Variants in CACNA2D3 observed in about 807,000 individuals in gnomAD.
The protein encoded by CACNA2D3 is voltage-dependent calcium channel subunit alpha-2/delta-3.
In CACNA2D3, 60 loss-of-function variants were observed where a neutral mutation model predicts 160.6. The ratio of observed to expected loss-of-function variants is 0.37; its 90% confidence interval spans 0.30 to 0.46. The LOEUF (loss-of-function observed/expected upper bound fraction) is 0.46, where lower values mean the gene tolerates loss of function less well. CACNA2D3 is among the 20% of genes least tolerant of loss of function. The pLI is 1.00. For synonymous variants in CACNA2D3, 558 were observed against 492.9 expected, an observed-to-expected ratio of 1.13 and a Z score of -1.75; for missense variants, 1,205 against 1,365.0, an observed-to-expected ratio of 0.88 and a Z score of 1.85.
At chr3:54,443,537 G>C (rs970368736) in intron 4 of CACNA2D3, among the ~76,000 whole-genome samples, 1 of 152,166 alleles carries the variant, frequency 6.6e-6, no homozygotes, top group African/African-American at 2.4e-5. Context: ...TTGGCAGGGG[G>C]ACAGGGCCTC....
At chr3:54,188,467 G>A (rs930388415) in intron 2 of CACNA2D3, among the ~76,000 whole-genome samples, 2 of 152,202 alleles carry the variant, frequency 1.3e-5, no homozygotes, top group African/African-American at 4.8e-5. Flanking sequence ...TGTTCATGAT[G>A]TCCTCAGGAC....
intron 13 of CACNA2D3, chr3:54,789,749 T>C (rs1702710835): frequency 6.5e-6 from 3 of 459,972 alleles, no homozygotes; most frequent in Non-Finnish European, 1.3e-5. Flanking sequence ...CTAAAGCTCC[T>C]CTAAACCAAA....
At chr3:54,786,011 C>T (rs749290923) in intron 13 of CACNA2D3, among the ~76,000 whole-genome samples, 3 of 152,160 alleles carry the variant, frequency 2.0e-5, no homozygotes, top group Non-Finnish European at 4.4e-5. Context: ...CCCAGCCACC[C>T]TCTGCCATCA....
intron 14 of CACNA2D3, among the ~76,000 whole-genome samples, chr3:54,821,641 GTTCTTTCTTTCTTTCTTTCTTTCTTTCT>G (rs1181056443): frequency 1.4e-4 from 15 of 107,920 alleles, no homozygotes; most frequent in East Asian, 8.0e-4. Context: ...AGAGTCTTTC[GTTCTTTCTTTCTTTCTTTCTTTCTTTCT>G]TTCTTTCTTT....
chr3:54,289,188 T>C (rs570729210), intron 2 of CACNA2D3, among the ~76,000 whole-genome samples: 1 of 152,350 alleles, frequency 6.6e-6, no homozygotes, highest in African/African-American at 2.4e-5. Flanking sequence ...CTCCTTCAGC[T>C]GATAAGCAAC....
intron 4 of CACNA2D3, among the ~76,000 whole-genome samples, chr3:54,483,983 A>G (rs943430793): frequency 6.6e-6 from 1 of 152,218 alleles, no homozygotes; most frequent in Non-Finnish European, 1.5e-5. Context: ...AATTGTTCAC[A>G]TCAGGTTTCA....
chr3:54,588,836 G>T (rs1324256626), intron 9 of CACNA2D3, among the ~76,000 whole-genome samples: 1 of 151,858 alleles, frequency 6.6e-6, no homozygotes, highest in Non-Finnish European at 1.5e-5. Flanking sequence ...TCATGGATGA[G>T]AAGTCTCCAC....
intron 2 of CACNA2D3, among the ~76,000 whole-genome samples, chr3:54,292,925 C>G (rs6792594): frequency 6.6e-6 from 1 of 151,896 alleles, no homozygotes; most frequent in African/African-American, 2.4e-5. Flanking sequence ...GGAAACAGCC[C>G]GAATGTGCAT....
At chr3:54,624,244 G>A (rs1006855025) in intron 9 of CACNA2D3, among the ~76,000 whole-genome samples, 3 of 152,190 alleles carry the variant, frequency 2.0e-5, no homozygotes, top group African/African-American at 4.8e-5. Context: ...ATGTCCAACT[G>A]TAAAAAAGCA....
At chr3:54,795,619 A>G (rs540051485) in intron 13 of CACNA2D3, among the ~76,000 whole-genome samples, 2 of 152,162 alleles carry the variant, frequency 1.3e-5, no homozygotes, top group Non-Finnish European at 2.9e-5. Context: ...GGTATGGCAT[A>G]TCTTTCACTC....
intron 12 of CACNA2D3, among the ~76,000 whole-genome samples, chr3:54,758,767 C>G (rs935669575): frequency 2.0e-5 from 3 of 152,084 alleles, no homozygotes; most frequent in African/African-American, 7.2e-5. Context: ...GGTGCTGGCT[C>G]TCAGGTTTTC....
At chr3:54,572,420 C>G (rs1702515088) in intron 8 of CACNA2D3, among the ~76,000 whole-genome samples, 1 of 152,176 alleles carries the variant, frequency 6.6e-6, no homozygotes, top group African/African-American at 2.4e-5. Flanking sequence ...GCTAAGTGTC[C>G]TGTGTGGATT....
rs556872699 is a variant in CACNA2D3 at position 54,468,224 on chromosome 3, T to C, written c.382-35268T>C. On this transcript the variant is annotated intron_variant, in intron 4 of 37. Coordinates refer to ENST00000474759, the MANE Select transcript of CACNA2D3 (RefSeq NM_018398.3). Reference sequence around the variant, plus strand: ...GGCGGGTGATTTCTGCATTTCCAACTGAGGTACCAAGTCATCTCATTGGGA... The same window carrying C: ...GGCGGGTGATTTCTGCATTTCCAACCGAGGTACCAAGTCATCTCATTGGGA... 1.7e-3 allele frequency among the ~76,000 whole-genome samples: 264 copies of C among 152,300 alleles called. 1 individual carries two copies. The highest frequency in any genetic ancestry group is 3.2e-3 in the Non-Finnish European group (215 of 68,022).
chr3:54,165,601 A>T (rs995009396), intron 2 of CACNA2D3, among the ~76,000 whole-genome samples: 6 of 43,548 alleles, frequency 1.4e-4, no homozygotes, highest in African/African-American at 2.9e-4. Context: ...TTCCATCTCT[A>T]AAAAAAAAAA....
chr3:54,453,511 C>T (rs546799598), intron 4 of CACNA2D3, among the ~76,000 whole-genome samples: 198 of 70,800 alleles, frequency 2.8e-3, no homozygotes, highest in Non-Finnish European at 5.4e-3. Context: ...TTTATACAAA[C>T]GAGATCTTTT....
At chr3:54,790,230 A>G (rs1702724961) in intron 13 of CACNA2D3, among the ~76,000 whole-genome samples, 1 of 152,138 alleles carries the variant, frequency 6.6e-6, no homozygotes, top group Non-Finnish European at 1.5e-5. Flanking sequence ...GGGGATAATG[A>G]TAGATACTGC....
At chr3:54,380,686 G>A (rs572017985) in intron 3 of CACNA2D3, among the ~76,000 whole-genome samples, 1 of 152,180 alleles carries the variant, frequency 6.6e-6, no homozygotes, top group Admixed American at 6.5e-5. Context: ...GCAGTGAGCC[G>A]AGATCACCTG....
chr3:54,680,443 A>G (rs1337603167), intron 11 of CACNA2D3, among the ~76,000 whole-genome samples: 1 of 152,170 alleles, frequency 6.6e-6, no homozygotes, highest in Admixed American at 6.5e-5. Context: ...GATAGTAAAA[A>G]TGTGCTTAAG....
intron 13 of CACNA2D3, among the ~76,000 whole-genome samples, chr3:54,777,383 A>G (rs1702444431): frequency 1.3e-5 from 2 of 152,154 alleles, no homozygotes; most frequent in South Asian, 2.1e-4. Context: ...CTGGTGACAC[A>G]TGCTCTTATT....
Sources: gnomAD v4.1 joint callset for allele counts (sites outside exome capture counted in the v4.1 genomes callset) on GRCh38, gnomAD v4.1.1 for gene constraint, MANE v1.5 for transcripts, NCBI Gene and HGNC (gene_info 2026-07-23, HGNC 2026-07-21) for gene names.